NCR1: variants seen among roughly 807,000 people sequenced by gnomAD.
NCR1 encodes NK cell-activating receptor.
In NCR1, 30 loss-of-function variants were observed where a neutral mutation model predicts 32.5. That is an observed-to-expected ratio of 0.92 (90% CI 0.69 to 1.25). NCR1 has a LOEUF of 1.25. Among genes scored for constraint, NCR1 ranks in the 50% most tolerant of loss-of-function variants. NCR1 has a pLI of 0.00. For synonymous variants in NCR1, 169 were observed against 143.4 expected, an observed-to-expected ratio of 1.18 and a Z score of -1.28; for missense variants, 369 against 380.7, an observed-to-expected ratio of 0.97 and a Z score of 0.26.
the NCR1 span, among the ~76,000 whole-genome samples, chr19:54,899,250 G>A: frequency 1.3e-5 from 2 of 152,194 alleles, no homozygotes; most frequent in Non-Finnish European, 2.9e-5. Context: ...CCACTGTCAA[G>A]TTTGTATTGG....
At chr19:54,912,139 C>A in intron 5 of NCR1, 29 bp from the exon 6 acceptor site, 1 of 1,607,520 alleles carries the variant, frequency 6.2e-7, no homozygotes, top group African/African-American at 1.3e-5. Flanking sequence ...TCAAAACCAT[C>A]CTCTTTTCTT....
intron 5 of NCR1, among the ~76,000 whole-genome samples, chr19:54,910,287 T>A (rs193113716): frequency 1.3e-5 from 2 of 152,014 alleles, no homozygotes; most frequent in Admixed American, 1.3e-4. Flanking sequence ...AATACAAAAC[T>A]TAGGCTGGGC....
the NCR1 span, among the ~76,000 whole-genome samples, chr19:54,931,890 T>C: frequency 4.0e-5 from 6 of 151,764 alleles, no homozygotes; most frequent in Non-Finnish European, 7.4e-5. Flanking sequence ...TTCCATCCAT[T>C]TCCAGCTCTG....
At chr19:54,910,127 C>T (rs1055717141) in intron 5 of NCR1, 62 bp downstream of exon 5, 43 of 1,512,394 alleles carry the variant, frequency 2.8e-5, no homozygotes, top group African/African-American at 5.5e-5. Flanking sequence ...ACACTAAAAA[C>T]GTGGCATTCA....
At chr19:54,913,655 G>A (rs1197320873), downstream of NCR1, among the ~76,000 whole-genome samples, 1 of 152,142 alleles carries the variant, frequency 6.6e-6, no homozygotes, top group Non-Finnish European at 1.5e-5. Context: ...AATCCTGCCA[G>A]GCACGGTGGC....
downstream of NCR1, among the ~76,000 whole-genome samples, chr19:54,916,317 CTTTTT>C (rs71181711): frequency 0.19 from 16,357 of 86,982 alleles, 1,761 homozygotes; most frequent in East Asian, 0.65. Context: ...GAATATTGTG[CTTTTT>C]TTTTTTTTTT....
chr19:54,910,942 C>T (rs977277231), intron 5 of NCR1, among the ~76,000 whole-genome samples: 6 of 152,158 alleles, frequency 3.9e-5, no homozygotes, highest in Non-Finnish European at 5.9e-5. Flanking sequence ...CTGCCTGTGC[C>T]CTGGGGCAGG....
downstream of NCR1, among the ~76,000 whole-genome samples, chr19:54,919,278 C>G: frequency 6.6e-6 from 1 of 152,130 alleles, no homozygotes; most frequent in Non-Finnish European, 1.5e-5. Flanking sequence ...TGCGCGGAGA[C>G]CGGTAGTGGC....
At chr19:54,933,847 A>C in the NCR1 span, 2 of 959,976 alleles carry the variant, frequency 2.1e-6, no homozygotes, top group Non-Finnish European at 3.4e-6. Flanking sequence ...CTTCCTGTTC[A>C]TCCCCTGCCC....
chr19:54,929,254 A>G, the NCR1 span, among the ~76,000 whole-genome samples: 5 of 152,114 alleles, frequency 3.3e-5, no homozygotes, highest in Admixed American at 3.3e-4. Context: ...CTGTAATCCC[A>G]ACTACTCAGC....
chr19:54,931,782 G>A, the NCR1 span, among the ~76,000 whole-genome samples: 2 of 151,840 alleles, frequency 1.3e-5, no homozygotes, highest in Non-Finnish European at 2.9e-5. Flanking sequence ...CCCAGGAAGC[G>A]GAGGTTGCAG....
chr19:54,911,406 C>CTGTGTGTG (rs2067971740), intron 5 of NCR1, among the ~76,000 whole-genome samples: 1 of 149,752 alleles, frequency 6.7e-6, no homozygotes, highest in Admixed American at 6.7e-5. Flanking sequence ...TTGAATTTCA[C>CTGTGTGTG]TATGTGTGAG....
At position 54,909,371 on chromosome 19, in the gene NCR1, C is replaced by T. The variant is rs1042065408; in HGVS notation, c.482C>T (p.Ser161Phe). The T allele has an allele frequency of 1.1e-5, 17 of 1,613,992 alleles. No homozygotes were observed. Among genetic ancestry groups the T allele is most frequent in the Admixed American group, 3.3e-5 (2 of 59,986 alleles). ...TTCTTACTGCTCAAGGAGGGAAGAT[C>T]CAGCCACGTACAGCGCGGATACGGG... Reference protein sequence around the residue: ...SMFLLLKEGRSSHVQRGYGKV... With the variant: ...SMFLLLKEGRFSHVQRGYGKV... The change falls in exon 4 of 7, where the codon TCC becomes TTC. Residue 161 changes from serine (S) to phenylalanine (F), a missense_variant. Coordinates refer to ENST00000291890, the MANE Select transcript of NCR1 (RefSeq NM_004829.7).
At chr19:54,927,659 A>T in the NCR1 span, 3 of 1,614,156 alleles carry the variant, frequency 1.9e-6, no homozygotes, top group South Asian at 1.1e-5. Flanking sequence ...GAGCTTAATT[A>T]TGCCACTCTT....
At chr19:54,935,923 T>C in the NCR1 span, among the ~76,000 whole-genome samples, 2 of 151,922 alleles carry the variant, frequency 1.3e-5, no homozygotes, top group Non-Finnish European at 2.9e-5. Context: ...TGGAAAAAAC[T>C]GTCTTGTGCA....
At chr19:54,929,742 G>A in the NCR1 span, among the ~76,000 whole-genome samples, 99 of 152,200 alleles carry the variant, frequency 6.5e-4, no homozygotes, top group African/African-American at 2.1e-3. Flanking sequence ...CTTTAGAAGT[G>A]CCCACCCACA....
the NCR1 span, among the ~76,000 whole-genome samples, chr19:54,935,568 C>T: frequency 7.0e-6 from 1 of 142,576 alleles, no homozygotes; most frequent in Non-Finnish European, 1.5e-5. Flanking sequence ...TGGTGGTGCA[C>T]GCCTGTAACC....
At chr19:54,933,548 A>G in the NCR1 span, 1 of 1,613,638 alleles carries the variant, frequency 6.2e-7, no homozygotes, top group Non-Finnish European at 8.5e-7. Context: ...GCACACACAC[A>G]CACACCCAGC....
At chr19:54,906,402 C>T (rs587595778) in intron 2 of NCR1, 68 bp downstream of exon 2, 4 of 1,605,948 alleles carry the variant, frequency 2.5e-6, no homozygotes, top group East Asian at 4.5e-5. Flanking sequence ...CACCCAAGCA[C>T]GGCTGGGGTG....
Sources: gnomAD v4.1 joint callset for allele counts (sites outside exome capture counted in the v4.1 genomes callset) on GRCh38, gnomAD v4.1.1 for gene constraint, MANE v1.5 for transcripts, NCBI Gene and HGNC (gene_info 2026-07-23, HGNC 2026-07-21) for gene names.